The following SLC22A2 variants were observed in gnomAD, a reference collection of about 807,000 sequenced individuals.
SLC22A2 encodes organic cation transporter 2.
SLC22A2 carries 46 observed loss-of-function variants against 60.5 expected under a neutral mutation model. That is an observed-to-expected ratio of 0.76 (90% confidence interval 0.60 to 0.97). The LOEUF is 0.97. Among genes scored for constraint, SLC22A2 ranks in the 50% least tolerant of loss-of-function variants. The pLI is 0.00. For missense variants in SLC22A2, 701 were observed against 706.6 expected (o/e 0.99, Z 0.09); for synonymous variants, 303 against 267.0 (o/e 1.13, Z -1.31).
At position 160,247,270 on chromosome 6, in the gene SLC22A2, T is replaced by A; in HGVS notation, c.871A>T (p.Ile291Phe). The change falls in exon 5 of 11, where the codon ATC becomes TTC. Residue 291 changes from isoleucine (I) to phenylalanine (F), a missense_variant. Ile to Phe is a conservative substitution (Grantham distance 21). Transcript: ENST00000366953. ...GCTTCAGCATTCTTATTCTGGGAGA[T>A]CAGCCACCTGGGAGACTCAGGTATG... Reference protein sequence around the residue: ...WCIPESPRWLISQNKNAEAMR... With the variant: ...WCIPESPRWLFSQNKNAEAMR... 6.2e-7 allele frequency: 1 copy of A among 1,612,916 alleles called. No individual in the cohort carries two copies. The highest frequency in any genetic ancestry group is 8.5e-7 in the Non-Finnish European group (1 of 1,178,904).
intron 9 of SLC22A2, among the ~76,000 whole-genome samples, chr6:160,237,746 C>T (rs552468917): frequency 1.7e-4 from 26 of 152,252 alleles, no homozygotes; most frequent in Admixed American, 8.5e-4. Context: ...GGGCTGCATT[C>T]CCAGACAGTT....
chr6:160,219,380 A>G (rs962582993), intron 10 of SLC22A2, among the ~76,000 whole-genome samples: 9 of 107,960 alleles, frequency 8.3e-5, no homozygotes, highest in African/African-American at 3.3e-4. Context: ...AGCAGCAACA[A>G]CAGCAGCAGC....
At chr6:160,231,423 C>T (rs141476441) in intron 9 of SLC22A2, among the ~76,000 whole-genome samples, 15 of 151,836 alleles carry the variant, frequency 9.9e-5, no homozygotes, top group South Asian at 2.1e-4. Context: ...CCCTGGCAAC[C>T]GATCACATGC....
rs560118974 is a variant in SLC22A2, at chr6:160,223,737, AT to A, written c.1601+967del. Among the ~76,000 whole-genome samples, 349 of 152,100 alleles carry A rather than the reference AT, an allele frequency of 2.3e-3. 1 individual carries two copies. The highest frequency in any genetic ancestry group is 0.017 in the Middle Eastern group (5 of 294). On this transcript the variant is annotated intron_variant, in intron 10 of 10. Coordinates refer to ENST00000366953, the MANE Select transcript of SLC22A2 (RefSeq NM_003058.4). ...TATAATTTTTATTTAATTTATTTTTATTTTTTTGAGACAAGAGTATTGCTTT... is the reference window on the plus strand; with the variant it reads ...TATAATTTTTATTTAATTTATTTTTATTTTTTGAGACAAGAGTATTGCTTT...
chr6:160,256,860 T>C (rs1783281048), intron 1 of SLC22A2, 143 bp from the exon 2 acceptor site: 1 of 611,352 alleles, frequency 1.6e-6, no homozygotes, highest in African/African-American at 1.9e-5. Context: ...TAAGCCATTG[T>C]TTCTTGATCA....
At position 160,217,485 on chromosome 6, in the gene SLC22A2, TATTTTTTCTTGGTCTGC is replaced by T; in HGVS notation, c.1602-4_1614del. 6.3e-7 allele frequency: 1 copy of T among 1,591,766 alleles called. No individual in the cohort carries two copies. The highest frequency in any genetic ancestry group is 8.6e-7 in the Non-Finnish European group (1 of 1,160,244). Reference sequence around the variant, plus strand: ...ACTTGGAGGTAAATCATCTTTTCTTTATTTTTTCTTGGTCTGCAATAAGAAATAAAAATGGAGAGGGG... The same window carrying T: ...ACTTGGAGGTAAATCATCTTTTCTTTAATAAGAAATAAAAATGGAGAGGGG... On this transcript the variant is annotated splice_acceptor_variant and splice_polypyrimidine_tract_variant and coding_sequence_variant and intron_variant, in exon 11 of 11. Coordinates refer to ENST00000366953, the MANE Select transcript of SLC22A2 (RefSeq NM_003058.4). LOFTEE classifies it high-confidence loss of function.
chr6:160,230,001 T>C (rs1782792526), intron 9 of SLC22A2, among the ~76,000 whole-genome samples: 1 of 151,764 alleles, frequency 6.6e-6, no homozygotes, highest in Non-Finnish European at 1.5e-5. Flanking sequence ...TAGTCTCTGT[T>C]CCCAATGCAA....
Position 160,240,328 on chromosome 6 carries a change from A to C in SLC22A2, c.1501+1146T>G, listed in dbSNP as rs549021744. On this transcript the variant is annotated intron_variant, in intron 9 of 10. Transcript: ENST00000366953. The stretch of plus-strand genomic sequence containing the variant: ...AAGAGAAAATGGGAGTAAAGAAAAG[A>C]ATCAATTATGCAGGCCTCTCTGAGT... Among the ~76,000 whole-genome samples, 16 of 152,328 alleles carry C rather than the reference A, an allele frequency of 1.1e-4. No homozygotes were observed. In the South Asian group the frequency reaches 3.1e-3, roughly 30 times the overall value.
At chr6:160,242,665 G>C (rs1210743199) in intron 7 of SLC22A2, among the ~76,000 whole-genome samples, 1 of 152,028 alleles carries the variant, frequency 6.6e-6, no homozygotes, top group African/African-American at 2.4e-5. Context: ...TGGAGAGGAA[G>C]GTACAGAGAT....
At chr6:160,237,268 T>A (rs2114859947) in intron 9 of SLC22A2, among the ~76,000 whole-genome samples, 1 of 152,276 alleles carries the variant, frequency 6.6e-6, no homozygotes, top group South Asian at 2.1e-4. Flanking sequence ...TCAGCATGGT[T>A]TCAACAATTG....
intron 3 of SLC22A2, 172 bp downstream of exon 3, chr6:160,250,376 G>A (rs944347084): frequency 1.6e-6 from 1 of 632,914 alleles, no homozygotes; most frequent in African/African-American, 1.8e-5. Context: ...TTATAAGGAG[G>A]AATGCTGAAT....
intron 8 of SLC22A2, among the ~76,000 whole-genome samples, chr6:160,241,837 G>A (rs1783008282): frequency 6.6e-6 from 1 of 150,626 alleles, no homozygotes; most frequent in Admixed American, 6.6e-5. Context: ...ATGTTCAAGA[G>A]TTTAAAAAAA....
At position 160,241,543 on chromosome 6, in the gene SLC22A2, C is replaced by A. The variant is rs781405156; in HGVS notation, c.1432G>T (p.Gly478Cys). Residue 478 changes from glycine to cysteine, a missense_variant, in exon 9 of 11, where the codon GGC (glycine) becomes TGC (cysteine). Transcript: ENST00000366953. ...TAGACCAGGAATGGCGTGATGATGC[C>A]ACCAATGTCACACATTGAGGAACAG... ...HICSSMCDIG[G>C]IITPFLVYRL... The A allele has an allele frequency of 1.9e-6, 3 of 1,613,520 alleles. No individual in the cohort carries two copies. The highest frequency in any genetic ancestry group is 2.5e-6 in the Non-Finnish European group (3 of 1,179,712).
chr6:160,245,825 G>A (rs1456946777), intron 5 of SLC22A2, among the ~76,000 whole-genome samples: 2 of 147,110 alleles, frequency 1.4e-5, no homozygotes, highest in African/African-American at 5.0e-5. Context: ...AGCCTCCTGA[G>A]TAGCTGGGAT....
chr6:160,245,126 G>C (rs948508509), intron 6 of SLC22A2: 2 of 178,488 alleles, frequency 1.1e-5, no homozygotes, highest in African/African-American at 4.7e-5. Flanking sequence ...AAAAACTATT[G>C]GTTTCCAAGC....
At chr6:160,241,813 A>C (rs879442975) in intron 8 of SLC22A2, among the ~76,000 whole-genome samples, 3 of 149,078 alleles carry the variant, frequency 2.0e-5, no homozygotes, top group Non-Finnish European at 4.5e-5. Context: ...TAAAAAAAAA[A>C]CACCAAAAAT....
Position 160,250,806 on chromosome 6 carries a change from A to G in SLC22A2, c.519-104T>C, listed in dbSNP as rs896018177. On this transcript the variant is annotated intron_variant, in intron 2 of 10. Transcript: ENST00000366953. ...GAAATCTAAACAAAGTTAGAGGTTAACTTTAAATTTTATGAATCCAGGAGG... is the reference window on the plus strand; with the variant it reads ...GAAATCTAAACAAAGTTAGAGGTTAGCTTTAAATTTTATGAATCCAGGAGG... 60 of 1,214,238 alleles carry G rather than the reference A, an allele frequency of 4.9e-5. No individual in the cohort carries two copies. The Middle Eastern group carries it at 4.7e-3, about 95-fold the overall frequency. The allele number at this position is 1,214,238 out of a possible 1,614,324, so 75.2% of individuals were successfully genotyped here. A position where few individuals can be genotyped will look rare whatever the true frequency, so the allele number is the denominator to read the frequency against.
chr6:160,228,918 A>G (rs1040193753), intron 9 of SLC22A2, among the ~76,000 whole-genome samples: 1 of 151,578 alleles, frequency 6.6e-6, no homozygotes, highest in Non-Finnish European at 1.5e-5. Context: ...CAAATCCTAT[A>G]AAACGGCCCC....
rs773545639 is a variant in SLC22A2, at chr6:160,245,538, C to A, written c.965G>T (p.Arg322Ile). ...KSLPASLQRLRLEEETGKKLN... is the reference protein window; with the variant it reads ...KSLPASLQRLILEEETGKKLN... ...TTTCTTGCCAGTTTCCTCTTCAAGT[C>A]TCAGGCGCTAAGAAAAGGAATAGAA... Residue 322 changes from arginine (R) to isoleucine (I), a missense_variant, in exon 6 of 11, where the codon AGA (arginine) becomes ATA (isoleucine). Arg to Ile is a moderately conservative substitution (Grantham distance 97, BLOSUM62 -3). Coordinates refer to ENST00000366953, the MANE Select transcript of SLC22A2 (RefSeq NM_003058.4). The A allele has an allele frequency of 2.5e-6, 4 of 1,607,530 alleles. No individual in the cohort carries two copies. The highest frequency in any genetic ancestry group is 3.4e-6 in the Non-Finnish European group (4 of 1,175,566).
Sources: gnomAD v4.1 joint callset for allele counts (sites outside exome capture counted in the v4.1 genomes callset) on GRCh38, gnomAD v4.1.1 for gene constraint, MANE v1.5 for transcripts, NCBI Gene and HGNC (gene_info 2026-07-23, HGNC 2026-07-21) for gene names.